Variants in GLRA3 observed in about 807,000 individuals in gnomAD.
GLRA3 encodes glycine receptor alpha 3, also known as glycine receptor subunit alpha-3.
GLRA3 carries 44 observed loss-of-function variants against 60.4 expected under a neutral mutation model. The observed-to-expected ratio is 0.73, with a 90% CI of 0.57 to 0.94. The LOEUF (loss-of-function observed/expected upper bound fraction) is 0.94. Among genes scored for constraint, GLRA3 ranks in the 40% least tolerant of loss-of-function variants. The pLI, the probability that GLRA3 is intolerant of heterozygous loss-of-function variation, is 0.00. For missense variants in GLRA3, 508 were observed against 564.6 expected (o/e 0.90, Z 1.02); for synonymous variants, 223 against 192.9 (o/e 1.16, Z -1.29).
intron 1 of GLRA3, among the ~76,000 whole-genome samples, chr4:174,809,518 AGGT>A (rs1740179874): frequency 6.6e-6 from 1 of 152,192 alleles, no homozygotes; most frequent in African/African-American, 2.4e-5. Context: ...GGATCACTGA[AGGT>A]CAGGAGTTTG....
intron 3 of GLRA3, 47 bp from the exon 4 acceptor site, chr4:174,728,745 A>C (rs1736427711): frequency 8.0e-7 from 1 of 1,257,844 alleles, no homozygotes; most frequent in Non-Finnish European, 1.1e-6. Flanking sequence ...CCTGCTTTAA[A>C]AAGTTTAAAA....
intron 5 of GLRA3, among the ~76,000 whole-genome samples, chr4:174,692,414 C>T (rs1428950021): frequency 6.6e-6 from 1 of 151,082 alleles, no homozygotes. Context: ...CCCCTCTTCC[C>T]GGCCACCACC....
chr4:174,797,804 G>A (rs989068360), intron 1 of GLRA3, among the ~76,000 whole-genome samples: 7 of 151,738 alleles, frequency 4.6e-5, no homozygotes, highest in Non-Finnish European at 8.8e-5. Flanking sequence ...GATAGCAAAC[G>A]CCTCTAGTCC....
chr4:174,791,572 C>G (rs777596098), intron 1 of GLRA3, among the ~76,000 whole-genome samples: 4 of 152,064 alleles, frequency 2.6e-5, no homozygotes, highest in Non-Finnish European at 4.4e-5. Context: ...TCATTATTTC[C>G]TTTTTGGTGG....
rs1045818475 is a variant in GLRA3, at chr4:174,781,114, C to T, written c.199+7702G>A. On this transcript the variant is annotated intron_variant, in intron 2 of 9. Coordinates refer to ENST00000274093, the MANE Select transcript of GLRA3 (RefSeq NM_006529.4). Reference sequence around the variant, plus strand: ...AAGAACAGAGATTATAACAAACTATCTCTCAGACCACAGTGCAATCAAACT... The same window carrying T: ...AAGAACAGAGATTATAACAAACTATTTCTCAGACCACAGTGCAATCAAACT... Among the ~76,000 whole-genome samples, 5 of 152,218 alleles carry T rather than the reference C, an allele frequency of 3.3e-5. No homozygotes were observed. In the East Asian group the frequency reaches 5.8e-4, roughly 18 times the overall value.
chr4:174,817,395 C>A (rs908176580), intron 1 of GLRA3, among the ~76,000 whole-genome samples: 4 of 152,136 alleles, frequency 2.6e-5, no homozygotes, highest in African/African-American at 9.7e-5. Flanking sequence ...CTTTTCCTTT[C>A]TTTCTTTTAC....
At chr4:174,808,023 T>C (rs915462889) in intron 1 of GLRA3, among the ~76,000 whole-genome samples, 1 of 152,050 alleles carries the variant, frequency 6.6e-6, no homozygotes, top group Non-Finnish European at 1.5e-5. Flanking sequence ...GATACAGTTT[T>C]GATCAGAAGA....
At chr4:174,783,925 A>T (rs1739003834) in intron 2 of GLRA3, among the ~76,000 whole-genome samples, 1 of 151,230 alleles carries the variant, frequency 6.6e-6, no homozygotes, top group African/African-American at 2.4e-5. Flanking sequence ...TTCCTCAGGG[A>T]TCTAGAACTA....
At chr4:174,797,299 C>G (rs1321777638) in intron 1 of GLRA3, among the ~76,000 whole-genome samples, 1 of 152,092 alleles carries the variant, frequency 6.6e-6, no homozygotes. Context: ...TAGCTATGAT[C>G]GGTACTTTGG....
intron 5 of GLRA3, among the ~76,000 whole-genome samples, chr4:174,709,469 C>T (rs1735628962): frequency 6.6e-6 from 1 of 151,896 alleles, no homozygotes; most frequent in African/African-American, 2.4e-5. Context: ...GGGAACTGGC[C>T]TGTGTCTTCT....
intron 1 of GLRA3, among the ~76,000 whole-genome samples, chr4:174,820,230 A>G (rs866399579): frequency 1.3e-5 from 2 of 152,206 alleles, no homozygotes; most frequent in South Asian, 4.1e-4. Context: ...CCACAGACAC[A>G]TAAAATTAGG....
chr4:174,752,991 T>TTC (rs1561096375), intron 3 of GLRA3, among the ~76,000 whole-genome samples: 1 of 152,186 alleles, frequency 6.6e-6, no homozygotes, highest in Non-Finnish European at 1.5e-5. Context: ...ATGGCTTATG[T>TTC]TATCAAGCCT....
intron 5 of GLRA3, among the ~76,000 whole-genome samples, chr4:174,707,017 A>C (rs1459329383): frequency 6.6e-6 from 1 of 152,214 alleles, no homozygotes; most frequent in Non-Finnish European, 1.5e-5. Context: ...CTATGCTAGA[A>C]TATTAAGGGA....
intron 1 of GLRA3, among the ~76,000 whole-genome samples, chr4:174,809,056 C>T (rs1457884919): frequency 6.6e-6 from 1 of 152,184 alleles, no homozygotes; most frequent in Non-Finnish European, 1.5e-5. Flanking sequence ...TCACCACTCA[C>T]TCACTGACTC....
intron 3 of GLRA3, among the ~76,000 whole-genome samples, chr4:174,741,946 T>C (rs1353339739): frequency 2.0e-5 from 3 of 152,164 alleles, no homozygotes; most frequent in African/African-American, 7.2e-5. Flanking sequence ...TGCTCATCTT[T>C]GAATCCAAAT....
At position 174,828,887 on chromosome 4, in the gene GLRA3, G is replaced by A. The variant is rs1741090213; in HGVS notation, c.-76C>T. On this transcript the variant is annotated 5_prime_UTR_variant, in exon 1 of 10. Coordinates refer to ENST00000274093, the MANE Select transcript of GLRA3 (RefSeq NM_006529.4). ...GGAACCAGAAAGACAGAATGAAAATGTACAATCTAACCCCGCATGGTGTTG... is the reference window on the plus strand; with the variant it reads ...GGAACCAGAAAGACAGAATGAAAATATACAATCTAACCCCGCATGGTGTTG... 3.9e-6 allele frequency: 4 copies of A among 1,017,898 alleles called. No individual in the cohort carries two copies. Among genetic ancestry groups the A allele is most frequent in the Non-Finnish European group, 6.3e-6 (4 of 638,246 alleles). The allele number at this position is 1,017,898 out of a possible 1,614,324, so 63.1% of individuals were successfully genotyped here. A position where few individuals can be genotyped will look rare whatever the true frequency, so the allele number is the denominator to read the frequency against.
chr4:174,668,856 T>G (rs943771637), intron 7 of GLRA3, among the ~76,000 whole-genome samples: 1 of 152,114 alleles, frequency 6.6e-6, no homozygotes, highest in African/African-American at 2.4e-5. Context: ...AACATCACAG[T>G]GTATGCTTTT....
chr4:174,783,466 A>G (rs531288064), intron 2 of GLRA3, among the ~76,000 whole-genome samples: 1 of 136,368 alleles, frequency 7.3e-6, no homozygotes, highest in African/African-American at 2.7e-5. Context: ...AAAATTGACA[A>G]ATGGGACCTA....
At chr4:174,712,294 G>A (rs1263846434) in intron 5 of GLRA3, among the ~76,000 whole-genome samples, 2 of 151,962 alleles carry the variant, frequency 1.3e-5, no homozygotes, top group East Asian at 3.9e-4. Context: ...ATACCATTAA[G>A]ATTTGCTTAT....
Sources: allele counts gnomAD v4.1 joint callset (sites outside exome capture counted in the v4.1 genomes callset), GRCh38; gene constraint gnomAD v4.1.1; transcripts MANE v1.5; gene names NCBI Gene and HGNC (gene_info 2026-07-23, HGNC 2026-07-21).